DNAH17: variants seen among roughly 807,000 people sequenced by gnomAD.
DNAH17 encodes the protein axonemal beta dynein heavy chain 17.
In DNAH17, 376 loss-of-function variants were observed where a neutral mutation model predicts 485.6. The observed-to-expected ratio is 0.77, with a 90% confidence interval of 0.71 to 0.84. The LOEUF (loss-of-function observed/expected upper bound fraction) is 0.84. DNAH17 is among the 40% of genes least tolerant of loss of function. The probability of loss-of-function intolerance (pLI) is 0.00; values close to 1 mark genes in which losing one functional copy is unlikely to be tolerated. For synonymous variants in DNAH17, 3,031 were observed against 2,405.9 expected, an observed-to-expected ratio of 1.26 and a Z score of -7.60; for missense variants, 6,370 against 5,839.3, an observed-to-expected ratio of 1.09 and a Z score of -2.96.
chr17:78,473,209 T>G (rs546989075), intron 54 of DNAH17, among the ~76,000 whole-genome samples: 2 of 152,330 alleles, frequency 1.3e-5, no homozygotes, highest in Non-Finnish European at 2.9e-5. Flanking sequence ...TAGCCCTGTT[T>G]ACCTCTGCCC....
chr17:78,434,236 T>G lies in DNAH17; in HGVS notation c.12034-16A>C. 1 of 1,594,760 alleles carries G rather than the reference T, an allele frequency of 6.3e-7. No homozygotes were observed. The highest frequency in any genetic ancestry group is 8.6e-7 in the Non-Finnish European group (1 of 1,166,276). ...CCAGGGTGTCCTGTGGGGCACACGC[T>G]CCGGTCAGGTATTAGGGAGAGGGAG... On this transcript the variant is annotated splice_polypyrimidine_tract_variant and intron_variant, in intron 74 of 80. Coordinates refer to ENST00000389840, the MANE Select transcript of DNAH17 (RefSeq NM_173628.4).
At chr17:78,574,670 C>A in intron 2 of DNAH17, 43 bp downstream of exon 2, 1 of 1,528,472 alleles carries the variant, frequency 6.5e-7, no homozygotes, top group East Asian at 2.3e-5. Context: ...CCCGAGAAGT[C>A]GGTCGTGCTC....
chr17:78,525,144 G>A lies in DNAH17; in HGVS notation c.3729C>T (p.Ser1243=), dbSNP rs368469392. 2.2e-5 allele frequency: 35 copies of A among 1,613,304 alleles called. 1 individual carries two copies. The highest frequency in any genetic ancestry group is 8.9e-5 in the East Asian group (4 of 44,876). The change falls in exon 25 of 81, where the codon TCC becomes TCT. Residue 1243 remains serine (S), a synonymous_variant. Coordinates refer to ENST00000389840, the MANE Select transcript of DNAH17 (RefSeq NM_173628.4). ...GCGCCTCCATGATGCCTTCCATGGC[G>A]GAGATGCTCTTTTGTTGCTAGGGGC... ...KSLNKQQKSI[S]AMEGIMEALS... is the part of the protein sequence containing the mutation.
intron 33 of DNAH17, 23 bp downstream of exon 33, chr17:78,502,564 GTAAC>G (rs777910654): frequency 6.9e-5 from 110 of 1,592,418 alleles, no homozygotes; most frequent in Non-Finnish European, 8.3e-5. Flanking sequence ...TTTTAAAAAC[GTAAC>G]TAACTACACA....
At chr17:78,466,259 C>G (rs113308262) in intron 56 of DNAH17, among the ~76,000 whole-genome samples, 5,828 of 152,132 alleles carry the variant, frequency 0.038, 141 homozygotes, top group Non-Finnish European at 0.062. Flanking sequence ...CATCACCACT[C>G]CCTAATCTCA....
intron 26 of DNAH17, among the ~76,000 whole-genome samples, chr17:78,512,573 C>T (rs12603567): frequency 0.06 from 4,851 of 81,394 alleles, 145 homozygotes; most frequent in South Asian, 0.2. Context: ...TCTCTGTCCT[C>T]CCCCTATTTG....
chr17:78,439,856 G>C (rs2087000602), intron 72 of DNAH17, among the ~76,000 whole-genome samples: 1 of 151,800 alleles, frequency 6.6e-6, no homozygotes, highest in Non-Finnish European at 1.5e-5. Flanking sequence ...TTTTAGTAGA[G>C]ATGGGGTTTC....
rs773565678 is a variant in DNAH17, at chr17:78,425,554, C to T, written c.12933G>A (p.Thr4311=). ...LLRIRELEAW[T]TDFALPTTVW... is the part of the protein sequence containing the mutation. The stretch of plus-strand genomic sequence containing the variant: ...CGGTGGTGGGCAGGGCAAAGTCTGT[C>T]GTCCAGGCCTCGAGTTCCTGCAAGG... The change falls in exon 80 of 81, where the codon ACG becomes ACA. Residue 4311 remains threonine, a synonymous_variant. Coordinates refer to ENST00000389840, the MANE Select transcript of DNAH17 (RefSeq NM_173628.4). 2.4e-5 allele frequency: 39 copies of T among 1,611,104 alleles called. No homozygotes were observed. Among genetic ancestry groups the T allele is most frequent in the East Asian group, 1.8e-4 (8 of 44,848 alleles).
intron 69 of DNAH17, among the ~76,000 whole-genome samples, chr17:78,446,058 T>C (rs555269474): frequency 6.7e-6 from 1 of 150,184 alleles, no homozygotes; most frequent in Non-Finnish European, 1.5e-5. Context: ...CCTGTAGTCC[T>C]AGCTACTCGG....
intron 54 of DNAH17, chr17:78,472,752 C>T (rs887868156): frequency 4.4e-6 from 2 of 455,118 alleles, no homozygotes; most frequent in African/African-American, 2.0e-5. Flanking sequence ...CTGGTTTCCC[C>T]TCCCCCTCCG....
In DNAH17 at chr17:78,429,043, C is replaced by T; in HGVS notation, c.12405+78G>A. 3 of 1,487,790 alleles carry T rather than the reference C, an allele frequency of 2.0e-6. No homozygotes were observed. The South Asian group carries it at 3.7e-5, about 18-fold the overall frequency. The allele number at this position is 1,487,790 out of a possible 1,614,324, so 92.2% of individuals were successfully genotyped here. A position where few individuals can be genotyped will look rare whatever the true frequency, so the allele number is the denominator to read the frequency against. On this transcript the variant is annotated intron_variant, in intron 76 of 80. Coordinates refer to ENST00000389840, the MANE Select transcript of DNAH17 (RefSeq NM_173628.4). Reference sequence around the variant, plus strand: ...GGGTTCTTGCTCAATTATTGACACTCCATTTGTGCTGGCAGGCTCTCACCG... The same window carrying T: ...GGGTTCTTGCTCAATTATTGACACTTCATTTGTGCTGGCAGGCTCTCACCG...
At chr17:78,506,877 G>T in intron 29 of DNAH17, 31 bp from the exon 30 acceptor site, 2 of 1,613,296 alleles carry the variant, frequency 1.2e-6, no homozygotes, top group Non-Finnish European at 1.7e-6. Context: ...AGAGGAGGCC[G>T]GTGACCCTAC....
At chr17:78,496,124 C>T (rs2090061720) in intron 37 of DNAH17, 92 bp from the exon 38 acceptor site, 11 of 1,388,138 alleles carry the variant, frequency 7.9e-6, no homozygotes, top group Middle Eastern at 1.9e-4. Flanking sequence ...CATGAGGCTG[C>T]GAATTTGCGC....
At chr17:78,544,069 T>G in intron 16 of DNAH17, 72 bp from the exon 17 acceptor site, 1 of 1,600,386 alleles carries the variant, frequency 6.2e-7, no homozygotes, top group Admixed American at 1.7e-5. Flanking sequence ...CTTTGCTGTG[T>G]GCTTTTGATG....
chr17:78,557,389 G>A (rs1014406917), intron 14 of DNAH17, among the ~76,000 whole-genome samples: 7 of 152,042 alleles, frequency 4.6e-5, no homozygotes, highest in African/African-American at 9.7e-5. Context: ...AGGCAGAGGC[G>A]GGCAAATCAC....
chr17:78,460,088 C>T lies in DNAH17; in HGVS notation c.9435+74G>A, dbSNP rs1345779304. Reference sequence around the variant, plus strand: ...GAAGAAGCCGCCATGAGTGTGTCACCACCCACGCCAACAGCGAAGGCAGCT... The same window carrying T: ...GAAGAAGCCGCCATGAGTGTGTCACTACCCACGCCAACAGCGAAGGCAGCT... On this transcript the variant is annotated intron_variant, in intron 59 of 80. Transcript: ENST00000389840. 7.6e-6 allele frequency: 12 copies of T among 1,584,328 alleles called. No homozygotes were observed. In the Admixed American group the frequency reaches 1.4e-4, roughly 19 times the overall value.
rs764239849 is a variant in DNAH17, at chr17:78,423,834, T to TCACAGGTG, written c.*64_*71dup. On this transcript the variant is annotated 3_prime_UTR_variant, in exon 81 of 81. Transcript: ENST00000389840. ...ACCACCAGTTCCTGTAAAGAATAAG[T>TCACAGGTG]CACAGGTGCACAGGTGAAGGGCTGA... is the stretch of plus-strand genomic sequence containing the variant. 1 of 1,565,560 alleles carries TCACAGGTG rather than the reference T, an allele frequency of 6.4e-7. No homozygotes were observed. Among genetic ancestry groups the TCACAGGTG allele is most frequent in the Non-Finnish European group, 8.7e-7 (1 of 1,147,476 alleles).
chr17:78,428,914 T>G (rs2086575530), intron 76 of DNAH17, among the ~76,000 whole-genome samples: 1 of 122,626 alleles, frequency 8.2e-6, no homozygotes, highest in Non-Finnish European at 1.7e-5. Context: ...TGAGGCTGCA[T>G]TTCTTTCTTT....
chr17:78,573,148 C>A (rs1412571647), intron 2 of DNAH17, among the ~76,000 whole-genome samples: 1 of 152,148 alleles, frequency 6.6e-6, no homozygotes, highest in African/African-American at 2.4e-5. Context: ...CTGGTGGTAC[C>A]AAAGCCATCC....
Sources: allele counts gnomAD v4.1 joint callset (sites outside exome capture counted in the v4.1 genomes callset), GRCh38; gene constraint gnomAD v4.1.1; transcripts MANE v1.5; gene names NCBI Gene and HGNC (gene_info 2026-07-23, HGNC 2026-07-21).